The following HEATR5A variants were observed in gnomAD, a reference collection of about 807,000 sequenced individuals.
HEATR5A encodes the protein HEAT repeat-containing protein 5A.
In HEATR5A, 178 loss-of-function variants were observed where a neutral mutation model predicts 218.8. The ratio of observed to expected loss-of-function variants is 0.81; its 90% confidence interval spans 0.72 to 0.92. The LOEUF is 0.92. HEATR5A is among the 40% of genes least tolerant of loss of function. The pLI is 0.00. For missense variants in HEATR5A, 2,420 were observed against 2,418.9 expected, an observed-to-expected ratio of 1.00 and a Z score of -0.01; for synonymous variants, 864 against 871.6, an observed-to-expected ratio of 0.99 and a Z score of 0.15.
At chr14:31,308,827 A>G in intron 29 of HEATR5A, 107 bp downstream of exon 29, 1 of 834,372 alleles carries the variant, frequency 1.2e-6, no homozygotes, top group Non-Finnish European at 1.8e-6. Context: ...TTGAGTTGAA[A>G]TCGTGCCACT....
At chr14:31,344,268 C>CTTGTTTTTTTTTTTTTTTTT in intron 20 of HEATR5A, among the ~76,000 whole-genome samples, 1 of 50,812 alleles carries the variant, frequency 2.0e-5, no homozygotes, top group Non-Finnish European at 3.7e-5. Flanking sequence ...ATTAGTTATT[C>CTTGTTTTTTTTTTTTTTTTT]TTTTTTTTTT....
chr14:31,379,076 G>C (rs1361370211), intron 11 of HEATR5A, among the ~76,000 whole-genome samples: 1 of 150,558 alleles, frequency 6.6e-6, no homozygotes, highest in Admixed American at 6.6e-5. Context: ...CCTGTAGCTG[G>C]GACTACAGGC....
At chr14:31,296,663 T>C (rs1411212757) in intron 33 of HEATR5A, 1 of 152,210 alleles carries the variant, frequency 6.6e-6, no homozygotes, top group African/African-American at 2.4e-5. Flanking sequence ...GCCACAATCA[T>C]TTGAAGGAAT....
chr14:31,294,429 ATT>A (rs3033605), intron 34 of HEATR5A, among the ~76,000 whole-genome samples: 8 of 142,548 alleles, frequency 5.6e-5, no homozygotes, highest in Non-Finnish European at 7.6e-5. Context: ...CTCCTGTAAC[ATT>A]TTTTTTTTTT....
At chr14:31,345,979 T>C (rs951681346) in intron 19 of HEATR5A, among the ~76,000 whole-genome samples, 2 of 152,156 alleles carry the variant, frequency 1.3e-5, no homozygotes, top group Non-Finnish European at 1.5e-5. Context: ...CCACTGAAGT[T>C]AGGTGATGAG....
intron 4 of HEATR5A, 110 bp from the exon 5 acceptor site, chr14:31,395,458 T>C (rs1252824128): frequency 4.0e-6 from 2 of 502,958 alleles, no homozygotes; most frequent in Non-Finnish European, 6.9e-6. Context: ...CTTCTCTACA[T>C]ACTAACCAAC....
At chr14:31,370,060 A>G (rs1901977116) in intron 13 of HEATR5A, among the ~76,000 whole-genome samples, 1 of 151,844 alleles carries the variant, frequency 6.6e-6, no homozygotes, top group Non-Finnish European at 1.5e-5. Context: ...CCCCATCTCT[A>G]TTAAAAATAC....
intron 21 of HEATR5A, among the ~76,000 whole-genome samples, chr14:31,342,635 G>A (rs747648177): frequency 5.3e-5 from 8 of 152,178 alleles, no homozygotes; most frequent in Admixed American, 1.3e-4. Context: ...TGGCAGAGTT[G>A]AGATAAGATC....
intron 1 of HEATR5A, among the ~76,000 whole-genome samples, chr14:31,405,087 AGAAAGAAAATATTAGGT>A: frequency 6.7e-6 from 1 of 150,034 alleles, no homozygotes; most frequent in Non-Finnish European, 1.5e-5. Context: ...AAGACGAAAG[AGAAAGAAAATATTAGGT>A]CATTTTCAAA....
At chr14:31,368,943 T>C (rs2139249183) in intron 13 of HEATR5A, among the ~76,000 whole-genome samples, 1 of 152,158 alleles carries the variant, frequency 6.6e-6, no homozygotes, top group Admixed American at 6.5e-5. Flanking sequence ...ATAATAAATG[T>C]TTATTAATAA....
intron 1 of HEATR5A, among the ~76,000 whole-genome samples, chr14:31,410,732 G>C (rs1387990255): frequency 4.6e-5 from 7 of 152,088 alleles, no homozygotes; most frequent in Non-Finnish European, 1.0e-4. Context: ...TAAAAATCTT[G>C]TCTGTATCAA....
chr14:31,293,245 C>T lies in HEATR5A; in HGVS notation c.*60G>A. 2.2e-6 allele frequency: 3 copies of T among 1,339,628 alleles called. No individual in the cohort carries two copies. The highest frequency in any genetic ancestry group is 3.1e-6 in the Non-Finnish European group (3 of 975,860). The allele number at this position is 1,339,628 out of a possible 1,614,324, so 83.0% of individuals were successfully genotyped here. A position where few individuals can be genotyped will look rare whatever the true frequency, so the allele number is the denominator to read the frequency against. On this transcript the variant is annotated 3_prime_UTR_variant, in exon 36 of 36. Transcript: ENST00000543095. The stretch of plus-strand genomic sequence containing the variant: ...CTTGTGTCTACAATGTCCCTTTTGT[C>T]ACCAAAGGCAATGATCAAGTATTTA...
intron 11 of HEATR5A, 111 bp from the exon 12 acceptor site, chr14:31,375,079 C>G: frequency 4.6e-6 from 4 of 861,098 alleles, no homozygotes; most frequent in Non-Finnish European, 7.0e-6. Context: ...ATTATTGCAA[C>G]ATTTTGTCCC....
chr14:31,371,833 A>G lies in HEATR5A; in HGVS notation c.1938T>C (p.Pro646=). ...EVTQRLLPPL[P]CAVDLLTQLS... is the part of the protein sequence containing the mutation. ...ACTGAGTTAGCAAATCCACAGCACA[A>G]GGAAGTGGTGGAAGAAGACGCTGAG... The change falls in exon 13 of 36, where the codon CCT becomes CCC. Residue 646 remains proline, a synonymous_variant. Coordinates refer to ENST00000543095, the MANE Select transcript of HEATR5A (RefSeq NM_015473.4). 1.3e-6 allele frequency: 2 copies of G among 1,541,532 alleles called. No individual in the cohort carries two copies. Among genetic ancestry groups the G allele is most frequent in the East Asian group, 4.9e-5 (2 of 41,160 alleles).
chr14:31,384,296 T>C (rs1325912889), intron 9 of HEATR5A, among the ~76,000 whole-genome samples: 1 of 151,932 alleles, frequency 6.6e-6, no homozygotes, highest in Non-Finnish European at 1.5e-5. Context: ...TGCAAAAAAT[T>C]AGCCAGGCAT....
At chr14:31,334,464 A>G in intron 22 of HEATR5A, 1 of 456,058 alleles carries the variant, frequency 2.2e-6, no homozygotes, top group Non-Finnish European at 4.4e-6. Context: ...ACACTGTTGA[A>G]ATTACAACAA....
intron 3 of HEATR5A, among the ~76,000 whole-genome samples, chr14:31,399,455 T>C (rs2030787384): frequency 6.6e-6 from 1 of 152,246 alleles, no homozygotes; most frequent in Non-Finnish European, 1.5e-5. Flanking sequence ...AATGTTCTCA[T>C]CAAGTTTGAA....
In HEATR5A at chr14:31,347,797, A is replaced by T. The variant is rs766236705; in HGVS notation, c.2819T>A (p.Ile940Asn). 3.1e-6 allele frequency: 5 copies of T among 1,612,152 alleles called. No individual in the cohort carries two copies. The African/African-American group carries it at 6.7e-5, about 22-fold the overall frequency. ...CTGCGCCAAAGTATAAAGGATTCCA[A>T]TACAAGAATTTAGGTGTTGAGAAGA... is the stretch of plus-strand genomic sequence containing the variant. ...ISSSQHLNSC[I>N]GILYTLAQDS... Residue 940 changes from isoleucine to asparagine, a missense_variant, in exon 19 of 36, where the codon ATT (isoleucine) becomes AAT (asparagine). Transcript: ENST00000543095.
At chr14:31,295,882 T>TA in intron 34 of HEATR5A, 27 bp downstream of exon 34, 1 of 1,604,674 alleles carries the variant, frequency 6.2e-7, no homozygotes, top group Non-Finnish European at 8.5e-7. Context: ...TCCTATTACA[T>TA]ACATCTTTCT....
Sources: gnomAD v4.1 joint callset for allele counts (sites outside exome capture counted in the v4.1 genomes callset) on GRCh38, gnomAD v4.1.1 for gene constraint, MANE v1.5 for transcripts, NCBI Gene and HGNC (gene_info 2026-07-23, HGNC 2026-07-21) for gene names.